PTPRD: variants seen among roughly 807,000 people sequenced by gnomAD.
PTPRD encodes the protein protein tyrosine phosphatase receptor type D.
A neutral mutation model predicts 214.5 loss-of-function variants in PTPRD; 34 were observed. That is an observed-to-expected ratio of 0.16 (90% CI 0.12 to 0.21). The LOEUF (loss-of-function observed/expected upper bound fraction) is 0.21, where lower values mean the gene tolerates loss of function less well. Among genes scored for constraint, PTPRD ranks in the 10% least tolerant of loss-of-function variants. The pLI is 1.00. For synonymous variants in PTPRD, 1,128 were observed against 845.7 expected, an observed-to-expected ratio of 1.33 and a Z score of -5.79; for missense variants, 2,545 against 2,398.7, an observed-to-expected ratio of 1.06 and a Z score of -1.27.
rs187976019 is a variant in PTPRD, at chr9:8,499,839, A to C, written c.2130T>G (p.Val710=). The C allele has an allele frequency of 6.2e-7, 1 of 1,607,278 alleles. No homozygotes were observed. The highest frequency in any genetic ancestry group is 1.7e-5 in the Admixed American group (1 of 58,820). ...CGACTTTGCGAGGAGGACCACTAGG[A>C]ACTGGAACAACATCATTGGATAAAA... The part of the protein sequence containing the change: ...LSVLIRTNED[V]PSGPPRKVEV... The change falls in exon 25 of 46, where the codon GTT becomes GTG. Residue 710 remains valine, a splice_region_variant and synonymous_variant. Transcript: ENST00000381196.
chr9:10,328,820 T>C (rs1469875968), intron 3 of PTPRD, among the ~76,000 whole-genome samples: 2 of 151,798 alleles, frequency 1.3e-5, no homozygotes, highest in Non-Finnish European at 2.9e-5. Context: ...TTTGGTTTTA[T>C]GGCATCTTGC....
At chr9:8,521,187 T>A in intron 20 of PTPRD, 90 bp downstream of exon 20, 2 of 1,402,030 alleles carry the variant, frequency 1.4e-6, no homozygotes, top group Admixed American at 2.2e-5. Context: ...TAATGAATTA[T>A]TTTAGATTTT....
intron 6 of PTPRD, among the ~76,000 whole-genome samples, chr9:9,766,496 G>C (rs536139844): frequency 6.6e-6 from 1 of 152,214 alleles, no homozygotes; most frequent in South Asian, 2.1e-4. Flanking sequence ...CATCTTCAGA[G>C]TCATTAAAGA....
intron 11 of PTPRD, among the ~76,000 whole-genome samples, chr9:9,016,934 T>C (rs2099538052): frequency 6.6e-6 from 1 of 152,120 alleles, no homozygotes; most frequent in African/African-American, 2.4e-5. Flanking sequence ...TGCTGGGATT[T>C]TACTCAGTAT....
intron 9 of PTPRD, among the ~76,000 whole-genome samples, chr9:9,290,541 G>T (rs953804027): frequency 6.6e-6 from 1 of 151,306 alleles, no homozygotes; most frequent in Non-Finnish European, 1.5e-5. Context: ...TAGAGTTTTG[G>T]TTCTGCTATG....
At chr9:9,779,267 G>C (rs1364736597) in intron 5 of PTPRD, among the ~76,000 whole-genome samples, 1 of 151,846 alleles carries the variant, frequency 6.6e-6, no homozygotes, top group Non-Finnish European at 1.5e-5. Context: ...AGAAAACCTA[G>C]AAAATACACT....
chr9:9,080,213 A>G (rs982091835), intron 10 of PTPRD, among the ~76,000 whole-genome samples: 5 of 152,108 alleles, frequency 3.3e-5, no homozygotes, highest in Non-Finnish European at 7.4e-5. Flanking sequence ...TATACAACTT[A>G]TCCAAGTTTA....
intron 10 of PTPRD, among the ~76,000 whole-genome samples, chr9:9,152,620 C>G (rs1036207302): frequency 2.6e-5 from 4 of 152,124 alleles, no homozygotes; most frequent in African/African-American, 9.7e-5. Context: ...TAAATGGTGC[C>G]AAATGAATTG....
At chr9:10,339,147 G>T (rs1410288852) in intron 3 of PTPRD, among the ~76,000 whole-genome samples, 4 of 151,672 alleles carry the variant, frequency 2.6e-5, no homozygotes, top group African/African-American at 9.7e-5. Context: ...GAGTCCTGAA[G>T]ATTAAAAAGG....
chr9:8,776,508 G>A (rs969413706), intron 11 of PTPRD, among the ~76,000 whole-genome samples: 1 of 117,346 alleles, frequency 8.5e-6, no homozygotes, highest in Non-Finnish European at 1.9e-5. Flanking sequence ...ATGTTGCCCA[G>A]GCCGGTCTCG....
At chr9:10,050,024 A>C (rs2097498414) in intron 3 of PTPRD, among the ~76,000 whole-genome samples, 1 of 152,182 alleles carries the variant, frequency 6.6e-6, no homozygotes, top group African/African-American at 2.4e-5. Flanking sequence ...GGTTCTGTGA[A>C]GCCTGAGATC....
intron 35 of PTPRD, among the ~76,000 whole-genome samples, chr9:8,425,318 T>C (rs1590074271): frequency 1.3e-5 from 2 of 152,184 alleles, no homozygotes; most frequent in East Asian, 3.9e-4. Flanking sequence ...TCAGGAGGAA[T>C]TGTAGGAAGT....
intron 7 of PTPRD, among the ~76,000 whole-genome samples, chr9:9,717,767 G>T (rs1011748466): frequency 6.6e-6 from 1 of 152,022 alleles, no homozygotes; most frequent in Admixed American, 6.6e-5. Context: ...ATCTTAGCAA[G>T]GTAAACCCTT....
At chr9:10,589,318 C>A (rs1368105359) in intron 2 of PTPRD, among the ~76,000 whole-genome samples, 1 of 151,982 alleles carries the variant, frequency 6.6e-6, no homozygotes, top group Non-Finnish European at 1.5e-5. Flanking sequence ...ACAAACTGAA[C>A]TTGACCCAAT....
intron 11 of PTPRD, among the ~76,000 whole-genome samples, chr9:8,827,560 T>C (rs779611447): frequency 2.0e-5 from 3 of 152,060 alleles, no homozygotes; most frequent in East Asian, 1.9e-4. Flanking sequence ...TGAGCCAAGA[T>C]TGGGCCACCA....
intron 11 of PTPRD, among the ~76,000 whole-genome samples, chr9:8,801,408 G>C (rs891650294): frequency 6.6e-6 from 1 of 152,138 alleles, no homozygotes; most frequent in Admixed American, 6.5e-5. Context: ...TGATGATAAC[G>C]TGAAATAAGG....
At chr9:9,579,145 T>C (rs2089972287) in intron 7 of PTPRD, among the ~76,000 whole-genome samples, 1 of 152,162 alleles carries the variant, frequency 6.6e-6, no homozygotes, top group African/African-American at 2.4e-5. Flanking sequence ...TATTCATTTA[T>C]TCTTTTCAGT....
intron 3 of PTPRD, among the ~76,000 whole-genome samples, chr9:10,244,520 A>G (rs1210516160): frequency 6.6e-6 from 1 of 152,146 alleles, no homozygotes. Flanking sequence ...AGTCAAAACA[A>G]ATTTCATTTT....
chr9:8,629,334 G>C (rs1458761381), intron 14 of PTPRD, among the ~76,000 whole-genome samples: 2 of 151,856 alleles, frequency 1.3e-5, no homozygotes, highest in African/African-American at 2.4e-5. Context: ...TCCCTGCCTA[G>C]TGATTGATAA....
Sources: allele counts gnomAD v4.1 joint callset (sites outside exome capture counted in the v4.1 genomes callset), GRCh38; gene constraint gnomAD v4.1.1; transcripts MANE v1.5; gene names NCBI Gene and HGNC (gene_info 2026-07-23, HGNC 2026-07-21).